The following ABRAXAS2 variants were observed in gnomAD, a reference collection of about 807,000 sequenced individuals.
ABRAXAS2 encodes abraxas 2, BRISC complex subunit.
In ABRAXAS2, 23 loss-of-function variants were observed where a neutral mutation model predicts 49.0. The observed-to-expected ratio is 0.47, with a 90% CI of 0.34 to 0.66. ABRAXAS2 has a LOEUF of 0.66. ABRAXAS2 is among the 30% of genes least tolerant of loss of function. The pLI is 0.01. For synonymous variants in ABRAXAS2, 168 were observed against 180.2 expected (o/e 0.93, Z 0.54); for missense variants, 443 against 511.9 (o/e 0.87, Z 1.30).
At chr10:124,824,051 A>G (rs1472037581) in intron 4 of ABRAXAS2, among the ~76,000 whole-genome samples, 1 of 151,798 alleles carries the variant, frequency 6.6e-6, no homozygotes, top group Non-Finnish European at 1.5e-5. Flanking sequence ...CTGGGTAGCT[A>G]GGACCACAGG....
intron 2 of ABRAXAS2, among the ~76,000 whole-genome samples, chr10:124,815,791 C>T (rs1279934856): frequency 6.6e-6 from 1 of 151,662 alleles, no homozygotes; most frequent in African/African-American, 2.4e-5. Flanking sequence ...AGAGTTCCTT[C>T]CTCTTCAAAA....
Position 124,802,123 on chromosome 10 carries a change from G to C in ABRAXAS2, c.72+222G>C, listed in dbSNP as rs546043551. 1.8e-4 allele frequency among the ~76,000 whole-genome samples: 27 copies of C among 152,312 alleles called. No homozygotes were observed. The East Asian group carries it at 4.1e-3, about 23-fold the overall frequency. The stretch of plus-strand genomic sequence containing the variant: ...CCTGGCTTCGCGCTCTCAGCCGCTC[G>C]GCCGTCCCGGCACAGCCGTCTCCCG... On this transcript the variant is annotated intron_variant, in intron 1 of 8. Transcript: ENST00000298492.
chr10:124,829,693 A>G (rs1950918695), intron 7 of ABRAXAS2, among the ~76,000 whole-genome samples: 1 of 152,248 alleles, frequency 6.6e-6, no homozygotes, highest in African/African-American at 2.4e-5. Flanking sequence ...GATTGTTAAT[A>G]CTACTGTTTC....
At chr10:124,827,024 C>T (rs1589809438) in intron 5 of ABRAXAS2, among the ~76,000 whole-genome samples, 2 of 146,234 alleles carry the variant, frequency 1.4e-5, no homozygotes, top group South Asian at 4.4e-4. Context: ...AACCTGGAGG[C>T]AGAGGTTGCA....
intron 2 of ABRAXAS2, among the ~76,000 whole-genome samples, chr10:124,816,101 C>T (rs1213771551): frequency 6.6e-6 from 1 of 151,928 alleles, no homozygotes; most frequent in African/African-American, 2.4e-5. Context: ...CGGGGTTTCA[C>T]CATGTTGGCC....
chr10:124,816,300 C>A (rs1039238673), intron 2 of ABRAXAS2, among the ~76,000 whole-genome samples: 2 of 152,168 alleles, frequency 1.3e-5, no homozygotes, highest in African/African-American at 4.8e-5. Flanking sequence ...ATAAGGTACA[C>A]AATAGCTGCG....
intron 3 of ABRAXAS2, 152 bp downstream of exon 3, chr10:124,816,764 A>G: frequency 1.7e-6 from 1 of 582,452 alleles, no homozygotes; most frequent in Non-Finnish European, 3.1e-6. Context: ...GCACTGTGTT[A>G]GGTTAGGAAA....
intron 2 of ABRAXAS2, 73 bp downstream of exon 2, chr10:124,806,994 C>T: frequency 8.4e-7 from 1 of 1,190,278 alleles, no homozygotes; most frequent in Non-Finnish European, 1.2e-6. Context: ...TGTTGTTTTG[C>T]CCTTAACTGA....
rs1173697846 is a variant in ABRAXAS2 at position 124,834,800 on chromosome 10, T to G, written c.1077T>G (p.Pro359=). Residue 359 remains proline (P), a synonymous_variant, in exon 9 of 9, where the codon CCT becomes CCG. Coordinates refer to ENST00000298492, the MANE Select transcript of ABRAXAS2 (RefSeq NM_032182.4). ...ATCCTGGAAGTGGGGCTGACCTTCC[T>G]CCTCCCCAAAGAGCAGCTGGAGACA... ...LKYPGSGADL[P]PPQRAAGDSG... 1.2e-6 allele frequency: 2 copies of G among 1,614,054 alleles called. No homozygotes were observed. Among genetic ancestry groups the G allele is most frequent in the Non-Finnish European group, 1.7e-6 (2 of 1,180,008 alleles).
At chr10:124,808,358 A>G (rs974356833) in intron 2 of ABRAXAS2, among the ~76,000 whole-genome samples, 1 of 152,012 alleles carries the variant, frequency 6.6e-6, no homozygotes, top group Non-Finnish European at 1.5e-5. Flanking sequence ...TTGTATTTTT[A>G]GTAGAGACGG....
chr10:124,816,526 C>T (rs1950826242), intron 2 of ABRAXAS2, 50 bp from the exon 3 acceptor site: 1 of 1,316,788 alleles, frequency 7.6e-7, no homozygotes, highest in East Asian at 2.3e-5. Context: ...TTTATAGTTG[C>T]CTATGTCTTA....
At chr10:124,813,116 G>A (rs912560579) in intron 2 of ABRAXAS2, among the ~76,000 whole-genome samples, 12 of 152,032 alleles carry the variant, frequency 7.9e-5, no homozygotes, top group African/African-American at 2.4e-4. Context: ...TACGAGAATC[G>A]CTTGAATGTG....
chr10:124,822,685 G>A lies in ABRAXAS2; in HGVS notation c.267+3235G>A, dbSNP rs560432394. Among the ~76,000 whole-genome samples the A allele has an allele frequency of 5.3e-5, 8 of 151,906 alleles. No individual in the cohort carries two copies. In the East Asian group the frequency reaches 7.8e-4, roughly 15 times the overall value. ...CGGATGCCTGTAATCCCAGCTACTC[G>A]GAAGCCTGAGGCAGGAGAATGGTTT... On this transcript the variant is annotated intron_variant, in intron 4 of 8. Transcript: ENST00000298492.
intron 1 of ABRAXAS2, among the ~76,000 whole-genome samples, chr10:124,803,862 T>C (rs1469917018): frequency 2.6e-5 from 4 of 152,126 alleles, no homozygotes; most frequent in Non-Finnish European, 5.9e-5. Context: ...GATCGCGCCA[T>C]TGCACTCCAG....
At position 124,828,794 on chromosome 10, in the gene ABRAXAS2, G is replaced by A; in HGVS notation, c.497G>A (p.Gly166Glu). ...QRISLAIPNL[G>E]NTSQQEYKVS... ...ATATCACTCGCTATTCCCAATCTAG[G>A]AAATACTAGCCAGCAAGAGTACAAA... Residue 166 changes from glycine to glutamate, a missense_variant, in exon 6 of 9, where the codon GGA becomes GAA. Gly to Glu is a moderately conservative substitution (Grantham distance 98). Transcript: ENST00000298492. The A allele has an allele frequency of 6.2e-7, 1 of 1,613,634 alleles. No individual in the cohort carries two copies. Among genetic ancestry groups the A allele is most frequent in the South Asian group, 1.1e-5 (1 of 91,060 alleles).
At chr10:124,807,518 T>C (rs1950754279) in intron 2 of ABRAXAS2, among the ~76,000 whole-genome samples, 1 of 151,346 alleles carries the variant, frequency 6.6e-6, no homozygotes, top group African/African-American at 2.4e-5. Context: ...CCGGGCGTGG[T>C]GGCGGGTGCC....
At chr10:124,828,983 T>A in intron 6 of ABRAXAS2, 108 bp downstream of exon 6, 2 of 1,115,490 alleles carry the variant, frequency 1.8e-6, no homozygotes, top group Non-Finnish European at 1.3e-6. Context: ...TTGATATGAT[T>A]AAAATTGAAG....
At chr10:124,810,189 A>G (rs1379184063) in intron 2 of ABRAXAS2, among the ~76,000 whole-genome samples, 2 of 152,208 alleles carry the variant, frequency 1.3e-5, no homozygotes, top group African/African-American at 4.8e-5. Flanking sequence ...TGGTGGATCA[A>G]AACTATAAAA....
At chr10:124,823,769 G>A (rs1589808024) in intron 4 of ABRAXAS2, among the ~76,000 whole-genome samples, 1 of 152,312 alleles carries the variant, frequency 6.6e-6, no homozygotes. Flanking sequence ...TGCAAAATGT[G>A]CTTTTCAACA....
Sources: allele counts gnomAD v4.1 joint callset (sites outside exome capture counted in the v4.1 genomes callset), GRCh38; gene constraint gnomAD v4.1.1; transcripts MANE v1.5; gene names NCBI Gene and HGNC (gene_info 2026-07-23, HGNC 2026-07-21).